GRID2: variants seen among roughly 807,000 people sequenced by gnomAD.
GRID2 encodes glutamate ionotropic receptor delta type subunit 2.
Under a neutral mutation model 114.8 loss-of-function variants are expected in GRID2, and 33 were observed. That is an observed-to-expected ratio of 0.29 (90% confidence interval 0.22 to 0.38). The LOEUF is 0.38. Among genes scored for constraint, GRID2 ranks in the 10% least tolerant of loss-of-function variants. The pLI is 1.00. For synonymous variants in GRID2, 505 were observed against 449.9 expected, an observed-to-expected ratio of 1.12 and a Z score of -1.55; for missense variants, 1,184 against 1,257.7, an observed-to-expected ratio of 0.94 and a Z score of 0.89.
rs557599143 is a variant in GRID2, at chr4:92,364,088, A to C, written c.88+59344A>C. Among the ~76,000 whole-genome samples the C allele has an allele frequency of 5.3e-5, 8 of 152,040 alleles. No individual in the cohort carries two copies. The South Asian group carries it at 8.3e-4, about 16-fold the overall frequency. ...CACCCACCTCTGCCTCCCAAAGTGC[A>C]GTATAATGTGTCTAAATATCAAATT... On this transcript the variant is annotated intron_variant, in intron 1 of 15. Coordinates refer to ENST00000282020, the MANE Select transcript of GRID2 (RefSeq NM_001510.4).
intron 2 of GRID2, among the ~76,000 whole-genome samples, chr4:92,593,824 C>G (rs956321309): frequency 2.0e-5 from 3 of 149,836 alleles, no homozygotes; most frequent in Admixed American, 6.7e-5. Flanking sequence ...AATACATTTT[C>G]AAACCTTAAC....
chr4:92,762,583 G>T (rs1738072515), intron 2 of GRID2, among the ~76,000 whole-genome samples: 1 of 152,090 alleles, frequency 6.6e-6, no homozygotes, highest in Non-Finnish European at 1.5e-5. Flanking sequence ...CAGAAGGAAT[G>T]AAATATGATA....
intron 2 of GRID2, among the ~76,000 whole-genome samples, chr4:92,951,788 C>A (rs1192460078): frequency 6.6e-6 from 1 of 152,016 alleles, no homozygotes; most frequent in African/African-American, 2.4e-5. Context: ...ATTTTCTATC[C>A]TTTCTAAATT....
intron 2 of GRID2, among the ~76,000 whole-genome samples, chr4:93,071,077 G>A (rs1728767215): frequency 6.6e-6 from 1 of 152,012 alleles, no homozygotes; most frequent in Admixed American, 6.6e-5. Flanking sequence ...AGTGTGCATA[G>A]GGAATGCCAA....
At chr4:92,917,155 C>T (rs1405798785) in intron 2 of GRID2, among the ~76,000 whole-genome samples, 4 of 152,168 alleles carry the variant, frequency 2.6e-5, no homozygotes, top group African/African-American at 4.8e-5. Flanking sequence ...GAATAAATGT[C>T]TTCTTTTGAG....
chr4:92,930,464 T>C (rs1174814381), intron 2 of GRID2, among the ~76,000 whole-genome samples: 1 of 151,248 alleles, frequency 6.6e-6, no homozygotes, highest in East Asian at 1.9e-4. Flanking sequence ...ATACTTGCTA[T>C]ACTACCTTTT....
chr4:93,419,175 G>A (rs568454966), intron 9 of GRID2, among the ~76,000 whole-genome samples: 2 of 95,540 alleles, frequency 2.1e-5, no homozygotes, highest in Admixed American at 1.2e-4. Flanking sequence ...TTATATTTTT[G>A]TTGAGCACAG....
intron 14 of GRID2, among the ~76,000 whole-genome samples, chr4:93,718,898 T>C (rs1217682356): frequency 6.6e-6 from 1 of 152,178 alleles, no homozygotes; most frequent in Non-Finnish European, 1.5e-5. Flanking sequence ...GCCCCACTTA[T>C]AACTCTTAAA....
chr4:92,595,063 A>G (rs1306595398), intron 2 of GRID2, among the ~76,000 whole-genome samples: 2 of 151,996 alleles, frequency 1.3e-5, no homozygotes, highest in Non-Finnish European at 2.9e-5. Flanking sequence ...TCATTCTTTG[A>G]TATTTAATGA....
rs555174218 is a variant in GRID2, at chr4:93,772,481, C to T, written c.3007C>T (p.Arg1003Ter). The change falls in exon 16 of 16, where the codon CGA (arginine) becomes TGA (stop). Residue 1003 changes from arginine (R) to a stop codon, truncating the protein, a stop_gained. Transcript: ENST00000282020. LOFTEE classifies it high-confidence loss of function. ...GCTCAATCTGGGTAATGATCCAGAC[C>T]GAGGCACCTCCATATGAGCATCAAA... is the stretch of plus-strand genomic sequence containing the variant. ...LGLNLGNDPD[R>*]GTSI 1 of 1,593,132 alleles carries T rather than the reference C, an allele frequency of 6.3e-7. No homozygotes were observed. Among genetic ancestry groups the T allele is most frequent in the Non-Finnish European group, 8.6e-7 (1 of 1,169,180 alleles).
At chr4:92,471,704 A>G (rs532833685) in intron 1 of GRID2, among the ~76,000 whole-genome samples, 2 of 152,094 alleles carry the variant, frequency 1.3e-5, no homozygotes, top group African/African-American at 2.4e-5. Flanking sequence ...TGTAAACACA[A>G]AGTAGTCATC....
intron 2 of GRID2, among the ~76,000 whole-genome samples, chr4:92,793,406 G>A (rs1348868111): frequency 1.3e-5 from 2 of 151,586 alleles, no homozygotes; most frequent in Non-Finnish European, 1.5e-5. Context: ...GTGGAGGGTC[G>A]GAACAGGGAG....
chr4:93,442,921 TTTTCAA>T lies in GRID2; in HGVS notation c.1546-12740_1546-12735del, dbSNP rs1721753391. ...CTGTTGTAGTGTATGGCAACTCCAA[TTTTCAA>T]GTTACTCAGTGCAAAACCTTTGAGT... On this transcript the variant is annotated intron_variant, in intron 10 of 15. Transcript: ENST00000282020. 2.0e-5 allele frequency among the ~76,000 whole-genome samples: 3 copies of T among 152,188 alleles called. No homozygotes were observed. The East Asian group carries it at 5.8e-4, about 30-fold the overall frequency.
At chr4:93,163,359 T>TAC (rs1737884014) in intron 4 of GRID2, among the ~76,000 whole-genome samples, 3 of 12,346 alleles carry the variant, frequency 2.4e-4, no homozygotes, top group African/African-American at 1.2e-3. Flanking sequence ...TTTTTGTGTA[T>TAC]ATATATATAT....
At chr4:93,746,297 A>G (rs1196287419) in intron 14 of GRID2, among the ~76,000 whole-genome samples, 1 of 152,122 alleles carries the variant, frequency 6.6e-6, no homozygotes, top group East Asian at 1.9e-4. Context: ...ACAATACAAT[A>G]CATACAATAA....
At chr4:93,542,094 C>A (rs996647264) in intron 13 of GRID2, among the ~76,000 whole-genome samples, 1 of 152,172 alleles carries the variant, frequency 6.6e-6, no homozygotes, top group Non-Finnish European at 1.5e-5. Context: ...CATACCACTA[C>A]CTAAAGTTAA....
At chr4:93,675,185 C>T (rs74450133) in intron 14 of GRID2, among the ~76,000 whole-genome samples, 5,047 of 152,136 alleles carry the variant, frequency 0.033, 125 homozygotes, top group Non-Finnish European at 0.052. Flanking sequence ...GTGCATTTCT[C>T]CCTTACATCT....
At chr4:92,753,282 C>T (rs1016946720) in intron 2 of GRID2, among the ~76,000 whole-genome samples, 9 of 152,018 alleles carry the variant, frequency 5.9e-5, no homozygotes, top group Non-Finnish European at 1.2e-4. Flanking sequence ...TAGAATGATA[C>T]CACTTTGGAT....
At chr4:92,816,318 C>CAAAAAAAAAAAAAAAAAAAAAAAAAAA (rs764487348) in intron 2 of GRID2, among the ~76,000 whole-genome samples, 6 of 48,256 alleles carry the variant, frequency 1.2e-4, no homozygotes, top group South Asian at 1.8e-3. Context: ...TCTGTCTCAC[C>CAAAAAAAAAAAAAAAAAAAAAAAAAAA]AAAAAAAAAA....
Sources: allele counts gnomAD v4.1 joint callset (sites outside exome capture counted in the v4.1 genomes callset), GRCh38; gene constraint gnomAD v4.1.1; transcripts MANE v1.5; gene names NCBI Gene and HGNC (gene_info 2026-07-23, HGNC 2026-07-21).